PCDHA4: variants seen among roughly 807,000 people sequenced by gnomAD.
PCDHA4 encodes protocadherin alpha 4, also known as protocadherin alpha-4.
Under a neutral mutation model 61.4 loss-of-function variants are expected in PCDHA4, and 49 were observed. The ratio of observed to expected loss-of-function variants is 0.80; its 90% CI spans 0.63 to 1.01. The LOEUF (loss-of-function observed/expected upper bound fraction) is 1.01. PCDHA4 is among the 50% of genes least tolerant of loss of function. The pLI is 0.00. For synonymous variants in PCDHA4, 590 were observed against 550.3 expected, an observed-to-expected ratio of 1.07 and a Z score of -1.01; for missense variants, 1,254 against 1,235.8, an observed-to-expected ratio of 1.01 and a Z score of -0.22.
chr5:140,854,230 A>G (rs2043046050), intron 1 of PCDHA4: 3 of 629,370 alleles, frequency 4.8e-6, no homozygotes, highest in Admixed American at 1.3e-4. Flanking sequence ...CTACATTGGG[A>G]TATTTATGTT....
chr5:140,881,099 C>G (rs1554171750), intron 1 of PCDHA4, among the ~76,000 whole-genome samples: 1 of 152,108 alleles, frequency 6.6e-6, no homozygotes, highest in East Asian at 1.9e-4. Flanking sequence ...TTCATTACAC[C>G]ATTTGGCCTG....
chr5:140,835,159 C>A, intron 1 of PCDHA4: 1 of 1,456,016 alleles, frequency 6.9e-7, no homozygotes, highest in Non-Finnish European at 9.3e-7. Flanking sequence ...TCTATCGGAA[C>A]GCTGGTGATT....
intron 3 of PCDHA4, among the ~76,000 whole-genome samples, chr5:140,995,219 GT>G (rs1554254532): frequency 6.6e-6 from 1 of 152,072 alleles, no homozygotes; most frequent in East Asian, 1.9e-4. Flanking sequence ...CAATACTCTT[GT>G]GCTTTGGGGC....
In PCDHA4 at chr5:140,808,466, G is replaced by A; in HGVS notation, c.1279G>A (p.Ala427Thr). 6.2e-7 allele frequency: 1 copy of A among 1,614,182 alleles called. No homozygotes were observed. ...GTCAGCCTATGAGCTGGTGGTGACC[G>A]CGCGAGACGGGGGCTCGCCTTCGCT... Reference protein sequence around the residue: ...SVSAYELVVTARDGGSPSLWA... With the variant: ...SVSAYELVVTTRDGGSPSLWA... The change falls in exon 1 of 4, where the codon GCG becomes ACG. Residue 427 changes from alanine (A) to threonine (T), a missense_variant. Coordinates refer to ENST00000530339, the MANE Select transcript of PCDHA4 (RefSeq NM_018907.4).
At chr5:140,948,849 C>A (rs2094312653) in intron 1 of PCDHA4, among the ~76,000 whole-genome samples, 1 of 151,046 alleles carries the variant, frequency 6.6e-6, no homozygotes, top group Admixed American at 6.6e-5. Flanking sequence ...GTATTATTTG[C>A]CTTCTTATAT....
chr5:140,847,700 CAG>C (rs1424975763), intron 1 of PCDHA4: 1 of 149,786 alleles, frequency 6.7e-6, no homozygotes, highest in Non-Finnish European at 1.5e-5. Context: ...TTTCTGGAAA[CAG>C]ATTGTATAAA....
At chr5:140,825,328 G>A (rs1768508165) in intron 1 of PCDHA4, 1 of 145,220 alleles carries the variant, frequency 6.9e-6, no homozygotes, top group Admixed American at 6.9e-5. Context: ...CTGGAAATTT[G>A]CATATTTTTC....
chr5:140,898,263 C>T lies in PCDHA4; in HGVS notation c.2386-80686C>T, dbSNP rs1420763503. The stretch of plus-strand genomic sequence containing the variant: ...GGTGTTTTAGACATGAAGTCCTTGC[C>T]CATGCCTAAGTTCTGAATGGTAATG... On this transcript the variant is annotated intron_variant, in intron 1 of 3. Transcript: ENST00000530339. 2.0e-5 allele frequency among the ~76,000 whole-genome samples: 3 copies of T among 152,270 alleles called. No individual in the cohort carries two copies. In the East Asian group the frequency reaches 5.8e-4, roughly 29 times the overall value.
chr5:140,843,498 T>C (rs1554140141), intron 1 of PCDHA4: 1 of 1,595,918 alleles, frequency 6.3e-7, no homozygotes, highest in Admixed American at 1.7e-5. Flanking sequence ...TGCTCAGCAC[T>C]GCCCACTGAG....
chr5:140,966,957 C>T lies in PCDHA4; in HGVS notation c.2386-11992C>T, dbSNP rs868948639. 4 of 1,602,884 alleles carry T rather than the reference C, an allele frequency of 2.5e-6. No individual in the cohort carries two copies. The African/African-American group carries it at 4.0e-5, about 16-fold the overall frequency. ...GCGCTCGTGGGCAACGTGGCTCGCG[C>T]GCTGGGGCTTGAGCTGCGGCGCTTG... On this transcript the variant is annotated intron_variant, in intron 1 of 3. Transcript: ENST00000530339.
intron 1 of PCDHA4, among the ~76,000 whole-genome samples, chr5:140,889,342 A>G (rs1418641372): frequency 6.6e-6 from 1 of 152,018 alleles, no homozygotes; most frequent in East Asian, 1.9e-4. Context: ...GATTGGTGGG[A>G]ATATTTCTGA....
intron 1 of PCDHA4, among the ~76,000 whole-genome samples, chr5:140,898,010 T>A (rs2066467224): frequency 6.6e-6 from 1 of 152,240 alleles, no homozygotes; most frequent in African/African-American, 2.4e-5. Context: ...TCTGTTCATA[T>A]CCTTTGCCCA....
At chr5:140,819,237 C>G (rs1431831508) in intron 1 of PCDHA4, among the ~76,000 whole-genome samples, 3 of 152,128 alleles carry the variant, frequency 2.0e-5, no homozygotes, top group African/African-American at 7.2e-5. Context: ...ATTTCCTCTT[C>G]TCTGCAATCT....
intron 1 of PCDHA4, chr5:140,875,985 G>T: frequency 6.2e-7 from 1 of 1,613,950 alleles, no homozygotes; most frequent in South Asian, 1.1e-5. Context: ...TGACCTATGC[G>T]TTAAGTCTAA....
At chr5:140,870,893 A>G in intron 1 of PCDHA4, 1 of 1,613,930 alleles carries the variant, frequency 6.2e-7, no homozygotes, top group Non-Finnish European at 8.5e-7. Flanking sequence ...CGCGCAGTGG[A>G]TGCGGACTCA....
intron 1 of PCDHA4, chr5:140,835,485 G>A (rs371322976): frequency 6.2e-7 from 1 of 1,613,896 alleles, no homozygotes; most frequent in Non-Finnish European, 8.5e-7. Flanking sequence ...ACCAGGTACC[G>A]TCATCACATT....
At position 140,857,302 on chromosome 5, in the gene PCDHA4, G is replaced by C. The variant is rs782029015; in HGVS notation, c.2385+47730G>C. 5.0e-6 allele frequency: 8 copies of C among 1,598,652 alleles called. 1 individual carries two copies. The highest frequency in any genetic ancestry group is 3.4e-5 in the Admixed American group (2 of 59,338). On this transcript the variant is annotated intron_variant, in intron 1 of 3. Transcript: ENST00000530339. ...GCGCTCTGGACCGCGAGAGGGTGTCGGCCTATGAGCTGGTGGTGACCGCGC... is the reference window on the plus strand; with the variant it reads ...GCGCTCTGGACCGCGAGAGGGTGTCCGCCTATGAGCTGGTGGTGACCGCGC...
chr5:140,962,061 T>C (rs1554225775), intron 1 of PCDHA4, among the ~76,000 whole-genome samples: 2 of 151,824 alleles, frequency 1.3e-5, no homozygotes, highest in Non-Finnish European at 1.5e-5. Context: ...TTTTTTTGTA[T>C]TTTTTAGTAG....
chr5:140,884,737 T>C (rs1554181872), intron 1 of PCDHA4: 1 of 1,443,634 alleles, frequency 6.9e-7, no homozygotes, highest in Non-Finnish European at 9.1e-7. Context: ...AAGACATCTT[T>C]CCTGCCAATT....
Sources: gnomAD v4.1 joint callset for allele counts (sites outside exome capture counted in the v4.1 genomes callset) on GRCh38, gnomAD v4.1.1 for gene constraint, MANE v1.5 for transcripts, NCBI Gene and HGNC (gene_info 2026-07-23, HGNC 2026-07-21) for gene names.